The following SORL1 variants were observed in gnomAD, a reference collection of about 807,000 sequenced individuals.
The protein encoded by SORL1 is sortilin related receptor 1.
Under a neutral mutation model 273.7 loss-of-function variants are expected in SORL1, and 127 were observed. The ratio of observed to expected loss-of-function variants is 0.46; its 90% CI spans 0.40 to 0.54. The LOEUF (loss-of-function observed/expected upper bound fraction) is 0.54, where lower values mean the gene tolerates loss of function less well. Ranked by LOEUF, SORL1 falls within the 20% of genes least tolerant of loss-of-function variation. SORL1 has a pLI of 0.00. For missense variants in SORL1, 2,494 were observed against 2,846.1 expected (o/e 0.88, Z 2.81); for synonymous variants, 1,031 against 1,067.4 (o/e 0.97, Z 0.66).
intron 42 of SORL1, 94 bp from the exon 43 acceptor site, chr11:121,619,659 A>T: frequency 9.7e-7 from 1 of 1,027,436 alleles, no homozygotes; most frequent in Non-Finnish European, 1.4e-6. Context: ...ACTGAATTTT[A>T]ATTGTTGTCA....
At chr11:121,548,551 A>G (rs1315109815) in intron 14 of SORL1, among the ~76,000 whole-genome samples, 4 of 152,102 alleles carry the variant, frequency 2.6e-5, no homozygotes, top group African/African-American at 9.7e-5. Context: ...TTTAATGAAT[A>G]TTTGGAGTTT....
rs565930020 is a variant in SORL1 at position 121,550,498 on chromosome 11, G to A, written c.2181-87G>A. 230 of 1,079,206 alleles carry A rather than the reference G, an allele frequency of 2.1e-4. 1 individual carries two copies. The African/African-American group carries it at 2.1e-3, about 10-fold the overall frequency. 66.9% of individuals were successfully genotyped at this position (1,079,206 alleles called of 1,614,324 possible). On this transcript the variant is annotated intron_variant, in intron 15 of 47. Transcript: ENST00000260197. The surrounding 1 kb of genome is among the most constrained non-coding windows in gnomAD (Gnocchi z 5.3). The stretch of plus-strand genomic sequence containing the variant: ...AATGAGTGGATGGACTCTACTGGCC[G>A]TGGGTAGTAAGTGTATTCCCAGCTG...
rs368791365 is a variant in SORL1 at position 121,463,608 on chromosome 11, T to TCACTACTTAGTCCACTAAC, written c.286-6398_286-6397insACTACTTAGTCCACTAACC. Among the ~76,000 whole-genome samples the TCACTACTTAGTCCACTAAC allele has an allele frequency of 2.5e-3, 388 of 152,346 alleles. 2 individuals are homozygous for TCACTACTTAGTCCACTAAC. The highest frequency in any genetic ancestry group is 8.7e-3 in the African/African-American group (361 of 41,572). The stretch of plus-strand genomic sequence containing the variant: ...AAGGAGATAGTAGTGAATGCTAAGT[T>TCACTACTTAGTCCACTAAC]CTAGTCCAAGGTTATTCTCTCCTTG... On this transcript the variant is annotated intron_variant, in intron 1 of 47. Transcript: ENST00000260197.
Position 121,618,852 on chromosome 11 carries a change from A to G in SORL1, c.5683A>G (p.Lys1895Glu). ...PKSLTTSLHN[K>E]TVIVSKDEQY... ...GAGCTTGACTACTTCACTCCACAAC[A>G]AGACGGTCATTGTCAGTAAGGATGA... Residue 1895 changes from lysine (K) to glutamate (E), a missense_variant, in exon 42 of 48, where the codon AAG becomes GAG. By Grantham distance (56) the Lys-to-Glu change is moderately conservative. This residue lies in a region of SORL1 where 1,609 missense variants were observed against 1,816.4 expected (regional missense o/e 0.89). Coordinates refer to ENST00000260197, the MANE Select transcript of SORL1 (RefSeq NM_003105.6). 6.2e-7 allele frequency: 1 copy of G among 1,614,092 alleles called. No homozygotes were observed. The highest frequency in any genetic ancestry group is 8.5e-7 in the Non-Finnish European group (1 of 1,179,984).
chr11:121,504,866 T>C (rs2134833592), intron 6 of SORL1, among the ~76,000 whole-genome samples: 1 of 152,288 alleles, frequency 6.6e-6, no homozygotes, highest in South Asian at 2.1e-4. Flanking sequence ...AAGGTTCCCT[T>C]CTATTCATGG....
rs1461608836 is a variant in SORL1 at position 121,550,128 on chromosome 11, T to C, written c.2180+40T>C. 1.3e-6 allele frequency: 2 copies of C among 1,599,410 alleles called. No homozygotes were observed. Among genetic ancestry groups the C allele is most frequent in the African/African-American group, 1.3e-5 (1 of 74,538 alleles). The stretch of plus-strand genomic sequence containing the variant: ...GGTTGCCCTGTCAGGTTCTCAGCGG[T>C]CCGCACATGGAGCGAGAGAGCATAG... On this transcript the variant is annotated intron_variant, in intron 15 of 47. Coordinates refer to ENST00000260197, the MANE Select transcript of SORL1 (RefSeq NM_003105.6). This position sits in a 1 kb window ranked among gnomAD's most constrained non-coding sequence, Gnocchi z 5.3.
intron 25 of SORL1, among the ~76,000 whole-genome samples, chr11:121,581,338 TTGA>T (rs1863012558): frequency 6.6e-6 from 1 of 152,246 alleles, no homozygotes; most frequent in Non-Finnish European, 1.5e-5. Context: ...CCAGCAGGTC[TTGA>T]TGAATCAGGA....
At chr11:121,629,071 A>C in intron 47 of SORL1, 1 of 165,806 alleles carries the variant, frequency 6.0e-6, no homozygotes, top group Admixed American at 5.8e-5. Context: ...TGTCCTCAAA[A>C]TGCTTAAACT....
chr11:121,479,196 AC>A (rs1240666151), intron 3 of SORL1, among the ~76,000 whole-genome samples: 1 of 151,972 alleles, frequency 6.6e-6, no homozygotes, highest in African/African-American at 2.4e-5. Context: ...GGAAGCGTTG[AC>A]CCTGGGCCCC....
intron 20 of SORL1, among the ~76,000 whole-genome samples, 188 bp downstream of exon 20, chr11:121,559,025 C>T (rs140354926): frequency 7.5e-4 from 114 of 152,320 alleles, no homozygotes; most frequent in Admixed American, 1.6e-3. Flanking sequence ...AGGGTCCAGG[C>T]TCCCCTGCTG....
At chr11:121,543,429 C>T in intron 12 of SORL1, 119 bp from the exon 13 acceptor site, 1 of 761,418 alleles carries the variant, frequency 1.3e-6, no homozygotes, top group Non-Finnish European at 2.2e-6. Context: ...TGCCTTAGCC[C>T]AGGATCAGCC....
At chr11:121,502,496 A>G (rs1861726925) in intron 6 of SORL1, among the ~76,000 whole-genome samples, 1 of 152,142 alleles carries the variant, frequency 6.6e-6, no homozygotes, top group African/African-American at 2.4e-5. Flanking sequence ...CTATTGTACC[A>G]TTTTATATTC....
chr11:121,575,403 C>T (rs1211492565), intron 24 of SORL1, among the ~76,000 whole-genome samples: 2 of 152,250 alleles, frequency 1.3e-5, no homozygotes, highest in African/African-American at 2.4e-5. Context: ...GGAGGTCAGA[C>T]GCTGACCCAG....
At chr11:121,546,854 C>T (rs1451395918) in intron 14 of SORL1, 1 of 152,220 alleles carries the variant, frequency 6.6e-6, no homozygotes, top group Non-Finnish European at 1.5e-5. Context: ...GCATATGAAT[C>T]ACTTGCAGAT....
chr11:121,525,908 G>A (rs1236349749), intron 11 of SORL1, among the ~76,000 whole-genome samples: 1 of 152,140 alleles, frequency 6.6e-6, no homozygotes, highest in African/African-American at 2.4e-5. Context: ...CATGCCTGTA[G>A]TCCTAGCTAG....
intron 30 of SORL1, chr11:121,590,448 C>T (rs1863192481): frequency 3.0e-5 from 15 of 498,640 alleles, no homozygotes; most frequent in South Asian, 1.8e-4. Context: ...GTAGCATCTG[C>T]ATCTCCTTGG....
chr11:121,516,691 G>C (rs145053844), intron 8 of SORL1, among the ~76,000 whole-genome samples: 1 of 152,154 alleles, frequency 6.6e-6, no homozygotes, highest in African/African-American at 2.4e-5. Context: ...TTGATGCTCA[G>C]CTTGTCCTGG....
intron 7 of SORL1, among the ~76,000 whole-genome samples, chr11:121,513,934 A>G (rs931088174): frequency 2.6e-5 from 4 of 152,198 alleles, no homozygotes; most frequent in African/African-American, 9.6e-5. Flanking sequence ...TTTGTGCCCC[A>G]TTTGCCAGTA....
chr11:121,531,024 T>C (rs1862195521), intron 11 of SORL1, among the ~76,000 whole-genome samples: 1 of 152,272 alleles, frequency 6.6e-6, no homozygotes, highest in African/African-American at 2.4e-5. Flanking sequence ...TTTCCACTTC[T>C]CTGGGAGAAT....
Sources: allele counts gnomAD v4.1 joint callset (sites outside exome capture counted in the v4.1 genomes callset), GRCh38; gene constraint gnomAD v4.1.1; regional missense constraint gnomAD v4.1.1; non-coding constraint Gnocchi (gnomAD v3.1); transcripts MANE v1.5; gene names NCBI Gene and HGNC (gene_info 2026-07-23, HGNC 2026-07-21).